Variants in SENP6 observed in about 807,000 individuals in gnomAD.
SENP6 encodes the protein SUMO specific peptidase 6.
In SENP6, 41 loss-of-function variants were observed where a neutral mutation model predicts 134.5. The ratio of observed to expected loss-of-function variants is 0.30; its 90% CI spans 0.24 to 0.40. The LOEUF (loss-of-function observed/expected upper bound fraction) is 0.40. Among genes scored for constraint, SENP6 ranks in the 10% least tolerant of loss-of-function variants. The pLI, the probability that SENP6 is intolerant of heterozygous loss-of-function variation, is 1.00. For synonymous variants in SENP6, 395 were observed against 429.8 expected (o/e 0.92, Z 1.00); for missense variants, 1,248 against 1,312.5 (o/e 0.95, Z 0.76).
At chr6:75,625,764 G>C (rs1163128534) in intron 3 of SENP6, among the ~76,000 whole-genome samples, 1 of 152,174 alleles carries the variant, frequency 6.6e-6, no homozygotes, top group Non-Finnish European at 1.5e-5. Context: ...AGCTACGTGG[G>C]AGGCTGAGGA....
At chr6:75,647,451 C>T (rs1279174342) in intron 6 of SENP6, 4 of 234,232 alleles carry the variant, frequency 1.7e-5, no homozygotes, top group South Asian at 5.9e-5. Flanking sequence ...TTGTACGTAA[C>T]GTTTTTTGTT....
At chr6:75,640,658 A>G in intron 5 of SENP6, 26 bp from the exon 6 acceptor site, 3 of 1,499,724 alleles carry the variant, frequency 2.0e-6, no homozygotes, top group Non-Finnish European at 2.7e-6. Context: ...TGCCTCTTAT[A>G]TTTTTTTTCT....
chr6:75,641,404 T>G (rs183102850), intron 6 of SENP6, among the ~76,000 whole-genome samples: 1 of 152,250 alleles, frequency 6.6e-6, no homozygotes, highest in South Asian at 2.1e-4. Context: ...TTTAATAGAC[T>G]GGGGGAGGGA....
At chr6:75,616,999 C>A (rs1003482424) in intron 1 of SENP6, among the ~76,000 whole-genome samples, 3 of 151,946 alleles carry the variant, frequency 2.0e-5, no homozygotes, top group African/African-American at 7.3e-5. Context: ...TCCCAGTCTC[C>A]TGAGTAGCTG....
chr6:75,607,576 T>G (rs796607526), intron 1 of SENP6, among the ~76,000 whole-genome samples: 12 of 152,044 alleles, frequency 7.9e-5, no homozygotes, highest in African/African-American at 2.4e-4. Flanking sequence ...GAATTCCTTC[T>G]CCTATATTTT....
intron 6 of SENP6, among the ~76,000 whole-genome samples, chr6:75,643,683 C>G (rs948632718): frequency 6.6e-6 from 1 of 152,138 alleles, no homozygotes; most frequent in Non-Finnish European, 1.5e-5. Context: ...GATAGTGCCA[C>G]TGCACTCCAG....
intron 16 of SENP6, among the ~76,000 whole-genome samples, chr6:75,684,477 G>A (rs913059954): frequency 6.6e-6 from 1 of 152,122 alleles, no homozygotes; most frequent in Admixed American, 6.5e-5. Context: ...TCTTGTGCTG[G>A]TTTTCAAATG....
intron 19 of SENP6, 64 bp from the exon 20 acceptor site, chr6:75,709,463 G>C (rs1775620840): frequency 1.9e-6 from 2 of 1,079,502 alleles, no homozygotes; most frequent in South Asian, 2.8e-5. Flanking sequence ...ATTAATTTCA[G>C]CCTCATATAC....
At chr6:75,651,412 T>C (rs1232595677) in intron 7 of SENP6, among the ~76,000 whole-genome samples, 2 of 152,170 alleles carry the variant, frequency 1.3e-5, no homozygotes, top group East Asian at 1.9e-4. Context: ...TGGAGTACAG[T>C]GACATGATTA....
intron 18 of SENP6, among the ~76,000 whole-genome samples, chr6:75,698,975 C>T (rs2149896972): frequency 6.7e-6 from 1 of 149,628 alleles, no homozygotes; most frequent in South Asian, 2.1e-4. Context: ...CATGCCCCTG[C>T]ACTCCAGCCT....
intron 16 of SENP6, among the ~76,000 whole-genome samples, chr6:75,682,678 A>G (rs928297091): frequency 6.6e-6 from 1 of 152,072 alleles, no homozygotes; most frequent in African/African-American, 2.4e-5. Flanking sequence ...TCCTTGTGAT[A>G]GTTTGCTGAG....
rs185921391 is a variant in SENP6, at chr6:75,702,461, A to C, written c.2289-184A>C. Among the ~76,000 whole-genome samples, 29 of 152,100 alleles carry C rather than the reference A, an allele frequency of 1.9e-4. 1 individual carries two copies. The highest frequency in any genetic ancestry group is 5.8e-4 in the African/African-American group (24 of 41,506). On this transcript the variant is annotated intron_variant, in intron 18 of 23. Transcript: ENST00000447266. The stretch of plus-strand genomic sequence containing the variant: ...TCGAACTGCTGACCTCAGGTGATCC[A>C]CCCACCTCAGCCTCCCAAAGTGCTG...
intron 8 of SENP6, among the ~76,000 whole-genome samples, chr6:75,660,253 C>A (rs1054968037): frequency 6.6e-6 from 1 of 152,136 alleles, no homozygotes; most frequent in Non-Finnish European, 1.5e-5. Flanking sequence ...AGGAGACATA[C>A]GATGTTGATT....
intron 9 of SENP6, among the ~76,000 whole-genome samples, 170 bp downstream of exon 9, chr6:75,663,688 G>A (rs1771950213): frequency 6.6e-6 from 1 of 151,440 alleles, no homozygotes; most frequent in South Asian, 2.1e-4. Context: ...ACAAAAAAAA[G>A]AACCACAGAA....
rs1367740865 is a variant in SENP6, at chr6:75,604,627, A to G, written c.52+2051A>G. On this transcript the variant is annotated intron_variant, in intron 1 of 23. Coordinates refer to ENST00000447266, the MANE Select transcript of SENP6 (RefSeq NM_015571.4). Reference sequence around the variant, plus strand: ...GCAACTGAGCGAGATTCTGTCTCCAAAAAAAAAAAGCATAAGGAAAAGGAA... The same window carrying G: ...GCAACTGAGCGAGATTCTGTCTCCAGAAAAAAAAAGCATAAGGAAAAGGAA... 6.0e-5 allele frequency among the ~76,000 whole-genome samples: 9 copies of G among 149,292 alleles called. No homozygotes were observed. The South Asian group carries it at 1.9e-3, about 32-fold the overall frequency.
At chr6:75,693,708 C>A (rs1774454153) in intron 16 of SENP6, among the ~76,000 whole-genome samples, 1 of 152,096 alleles carries the variant, frequency 6.6e-6, no homozygotes, top group South Asian at 2.1e-4. Context: ...ATAAAAGTAA[C>A]AGATCTCAAG....
intron 21 of SENP6, among the ~76,000 whole-genome samples, chr6:75,711,683 T>C (rs1582915210): frequency 6.6e-6 from 1 of 152,174 alleles, no homozygotes; most frequent in Non-Finnish European, 1.5e-5. Flanking sequence ...TTTATGTGTA[T>C]ATTTTTTGAG....
chr6:75,638,610 ATATATATATATATTTTTTTTTTT>A (rs1346659947), intron 5 of SENP6, among the ~76,000 whole-genome samples: 4 of 48,850 alleles, frequency 8.2e-5, no homozygotes, highest in Admixed American at 2.8e-4. Context: ...ATATATATAT[ATATATATATATATTTTTTTTTTT>A]TTTTTTTTTT....
At chr6:75,673,642 T>C (rs561076541) in intron 11 of SENP6, among the ~76,000 whole-genome samples, 1 of 152,044 alleles carries the variant, frequency 6.6e-6, no homozygotes, top group Admixed American at 6.6e-5. Context: ...ACTTATAATA[T>C]TAATGTGTGA....
Sources: gnomAD v4.1 joint callset for allele counts (sites outside exome capture counted in the v4.1 genomes callset) on GRCh38, gnomAD v4.1.1 for gene constraint, MANE v1.5 for transcripts, NCBI Gene and HGNC (gene_info 2026-07-23, HGNC 2026-07-21) for gene names.